Variants in MARCHF1 observed in about 807,000 individuals in gnomAD.
MARCHF1 encodes the protein membrane associated ring-CH-type finger 1, also known as E3 ubiquitin-protein ligase MARCHF1.
A neutral mutation model predicts 54.2 loss-of-function variants in MARCHF1; 40 were observed. The observed-to-expected ratio is 0.74, with a 90% confidence interval of 0.57 to 0.96. The LOEUF (loss-of-function observed/expected upper bound fraction) is 0.96, where lower values mean the gene tolerates loss of function less well. Ranked by LOEUF, MARCHF1 falls within the 40% of genes least tolerant of loss-of-function variation. The pLI, the probability that MARCHF1 is intolerant of heterozygous loss-of-function variation, is 0.00. For synonymous variants in MARCHF1, 236 were observed against 236.3 expected, an observed-to-expected ratio of 1.00 and a Z score of 0.01; for missense variants, 586 against 656.5, an observed-to-expected ratio of 0.89 and a Z score of 1.17.
intron 2 of MARCHF1, among the ~76,000 whole-genome samples, chr4:163,996,608 C>A (rs1753081653): frequency 1.3e-5 from 2 of 152,088 alleles, no homozygotes; most frequent in African/African-American, 4.8e-5. Context: ...TCTGATTCAA[C>A]CTAAAAACGG....
intron 4 of MARCHF1, among the ~76,000 whole-genome samples, chr4:163,772,404 C>T (rs769721651): frequency 6.6e-5 from 10 of 152,116 alleles, no homozygotes; most frequent in African/African-American, 1.2e-4. Flanking sequence ...GTCATGTAGG[C>T]GTGACTGGGT....
intron 3 of MARCHF1, among the ~76,000 whole-genome samples, chr4:163,904,250 C>A (rs1751006919): frequency 1.3e-5 from 2 of 152,082 alleles, no homozygotes; most frequent in African/African-American, 4.8e-5. Context: ...ATCACAGAAT[C>A]CACAAAAAAG....
At chr4:164,140,389 C>A in intron 1 of MARCHF1, among the ~76,000 whole-genome samples, 1 of 151,966 alleles carries the variant, frequency 6.6e-6, no homozygotes, top group Admixed American at 6.6e-5. Flanking sequence ...TCTCAGGAAA[C>A]CAACCAATAG....
intron 2 of MARCHF1, among the ~76,000 whole-genome samples, chr4:164,041,450 C>T (rs188505047): frequency 1.4e-3 from 207 of 152,228 alleles, no homozygotes; most frequent in Non-Finnish European, 2.2e-3. Context: ...AATTGATCCA[C>T]CCAAAATACT....
At chr4:164,305,949 G>A (rs542630897) in intron 1 of MARCHF1, among the ~76,000 whole-genome samples, 2 of 152,170 alleles carry the variant, frequency 1.3e-5, no homozygotes, top group East Asian at 1.9e-4. Flanking sequence ...ACCGCAGCAT[G>A]TTAAATAATA....
At position 163,839,320 on chromosome 4, in the gene MARCHF1, G is replaced by A. The variant is rs148474616; in HGVS notation, c.111+14701C>T. Among the ~76,000 whole-genome samples the A allele has an allele frequency of 2.7e-3, 415 of 152,178 alleles. 2 individuals carry two copies. Among genetic ancestry groups the A allele is most frequent in the African/African-American group, 9.5e-3 (393 of 41,548 alleles). On this transcript the variant is annotated intron_variant, in intron 4 of 9. Transcript: ENST00000514618. The stretch of plus-strand genomic sequence containing the variant: ...AAAACATTTTTCAGTACCTTAAATT[G>A]TTAAACACTGAGTTACCATAAGACC...
chr4:163,866,408 C>T (rs1750048210), intron 3 of MARCHF1, among the ~76,000 whole-genome samples: 1 of 141,056 alleles, frequency 7.1e-6, no homozygotes, highest in Non-Finnish European at 1.5e-5. Context: ...GAAAAAATAG[C>T]ATACAAGTTG....
chr4:163,807,247 T>A (rs1748252724), intron 4 of MARCHF1, among the ~76,000 whole-genome samples: 1 of 152,162 alleles, frequency 6.6e-6, no homozygotes, highest in South Asian at 2.1e-4. Context: ...AAAAACATTT[T>A]AAAAATTTAT....
At chr4:163,822,035 T>A (rs970378934) in intron 4 of MARCHF1, among the ~76,000 whole-genome samples, 1 of 151,948 alleles carries the variant, frequency 6.6e-6, no homozygotes, top group South Asian at 2.1e-4. Flanking sequence ...TAACTTTGCA[T>A]GATTTTGTTA....
chr4:163,686,380 A>G (rs568042196), intron 5 of MARCHF1, among the ~76,000 whole-genome samples: 38 of 151,690 alleles, frequency 2.5e-4, no homozygotes, highest in African/African-American at 9.2e-4. Context: ...CATGGGAGTG[A>G]ATAAACGTAA....
intron 1 of MARCHF1, among the ~76,000 whole-genome samples, chr4:164,193,685 G>A (rs951352401): frequency 6.6e-6 from 1 of 152,128 alleles, no homozygotes; most frequent in African/African-American, 2.4e-5. Flanking sequence ...TTCAGTGCTA[G>A]AATAATTATT....
chr4:163,873,400 C>G (rs1750221943), intron 3 of MARCHF1, among the ~76,000 whole-genome samples: 1 of 152,212 alleles, frequency 6.6e-6, no homozygotes, highest in South Asian at 2.1e-4. Flanking sequence ...TTTCTCTCAT[C>G]AGAGCCCTCT....
intron 1 of MARCHF1, among the ~76,000 whole-genome samples, chr4:164,250,160 A>C (rs1733081523): frequency 6.6e-6 from 1 of 152,122 alleles, no homozygotes; most frequent in Non-Finnish European, 1.5e-5. Flanking sequence ...GGAGCTCCAT[A>C]AACAGAGCAG....
chr4:163,965,320 G>A (rs1237492561), intron 3 of MARCHF1, among the ~76,000 whole-genome samples: 1 of 151,976 alleles, frequency 6.6e-6, no homozygotes, highest in Non-Finnish European at 1.5e-5. Context: ...TGTGCCAGAC[G>A]TCCACTACTC....
chr4:163,775,296 C>A (rs575860612), intron 4 of MARCHF1, among the ~76,000 whole-genome samples: 25 of 152,246 alleles, frequency 1.6e-4, no homozygotes, highest in Non-Finnish European at 2.6e-4. Flanking sequence ...GGGTTCTAAT[C>A]ATTCTCCCCT....
chr4:164,349,710 T>G (rs918806612), intron 1 of MARCHF1, among the ~76,000 whole-genome samples: 2 of 152,140 alleles, frequency 1.3e-5, no homozygotes, highest in African/African-American at 4.8e-5. Flanking sequence ...TATCAGCACA[T>G]AGCAGTTACC....
intron 2 of MARCHF1, among the ~76,000 whole-genome samples, chr4:163,992,367 A>T (rs1004870224): frequency 6.6e-6 from 1 of 152,126 alleles, no homozygotes; most frequent in Non-Finnish European, 1.5e-5. Flanking sequence ...TCAATTGAAA[A>T]AATATGTGGC....
chr4:164,172,201 AAAG>A (rs1201762202), intron 1 of MARCHF1, among the ~76,000 whole-genome samples: 2 of 152,214 alleles, frequency 1.3e-5, no homozygotes, highest in African/African-American at 4.8e-5. Flanking sequence ...TGCCTAGAAC[AAAG>A]AAGATGAGTG....
At position 163,940,118 on chromosome 4, in the gene MARCHF1, C is replaced by T. The variant is rs186169001; in HGVS notation, c.-39+48383G>A. Among the ~76,000 whole-genome samples, 1,208 of 152,164 alleles carry T rather than the reference C, an allele frequency of 7.9e-3. 18 individuals are homozygous for T. The highest frequency in any genetic ancestry group is 0.029 in the South Asian group (139 of 4,820). ...ATGTGATAATACAATGATAAGATGGCCATCTGCAAATGAGGAAGAGTGCCC... is the reference window on the plus strand; with the variant it reads ...ATGTGATAATACAATGATAAGATGGTCATCTGCAAATGAGGAAGAGTGCCC... On this transcript the variant is annotated intron_variant, in intron 3 of 9. Transcript: ENST00000514618.
Sources: gnomAD v4.1 joint callset for allele counts (sites outside exome capture counted in the v4.1 genomes callset) on GRCh38, gnomAD v4.1.1 for gene constraint, MANE v1.5 for transcripts, NCBI Gene and HGNC (gene_info 2026-07-23, HGNC 2026-07-21) for gene names.